The following EVI5 variants were observed in gnomAD, a reference collection of about 807,000 sequenced individuals.
The protein encoded by EVI5 is ecotropic viral integration site 5, also known as ecotropic viral integration site 5 protein homolog.
A neutral mutation model predicts 112.0 loss-of-function variants in EVI5; 73 were observed. That is an observed-to-expected ratio of 0.65 (90% CI 0.54 to 0.79). The LOEUF is 0.79. Ranked by LOEUF, EVI5 falls within the 30% of genes least tolerant of loss-of-function variation. The pLI, the probability that EVI5 is intolerant of heterozygous loss-of-function variation, is 0.00. For synonymous variants in EVI5, 305 were observed against 319.9 expected (o/e 0.95, Z 0.50); for missense variants, 900 against 968.8 (o/e 0.93, Z 0.94).
At chr1:92,717,998 T>C (rs760189406) in intron 2 of EVI5, among the ~76,000 whole-genome samples, 2 of 151,984 alleles carry the variant, frequency 1.3e-5, no homozygotes, top group African/African-American at 2.4e-5. Context: ...GAGCTAACTA[T>C]CCTAAATATA....
At position 92,566,428 on chromosome 1, in the gene EVI5, G is replaced by A. The variant is rs111428525; in HGVS notation, c.2071-2691C>T. 8.8e-4 allele frequency among the ~76,000 whole-genome samples: 134 copies of A among 152,288 alleles called. 2 individuals carry two copies. Among genetic ancestry groups the A allele is most frequent in the African/African-American group, 3.0e-3 (126 of 41,568 alleles). On this transcript the variant is annotated intron_variant, in intron 18 of 19. Coordinates refer to ENST00000684568, the MANE Select transcript of EVI5 (RefSeq NM_001350197.2). ...AATGTCATAGTAAAACACATTACTC[G>A]TGTTTGTGGTGGTGCTGGTGTAAAG...
At chr1:92,610,547 TTAA>T (rs1351440926) in intron 16 of EVI5, among the ~76,000 whole-genome samples, 1 of 152,122 alleles carries the variant, frequency 6.6e-6, no homozygotes, top group African/African-American at 2.4e-5. Context: ...AATTACAGTA[TTAA>T]TGACATAAAA....
chr1:92,704,881 T>A (rs955051492), intron 2 of EVI5, 137 bp from the exon 3 acceptor site: 1 of 403,898 alleles, frequency 2.5e-6, no homozygotes, highest in African/African-American at 2.1e-5. Flanking sequence ...ATAATTTAAA[T>A]AAATTTTGGT....
chr1:92,514,158 AT>A (rs1659508742), intron 19 of EVI5, among the ~76,000 whole-genome samples, 188 bp from the exon 20 acceptor site: 2 of 151,244 alleles, frequency 1.3e-5, no homozygotes, highest in Non-Finnish European at 3.0e-5. Context: ...TTTTTATTTT[AT>A]TTTTTTTGAG....
At chr1:92,629,416 T>G (rs1656392518) in intron 14 of EVI5, among the ~76,000 whole-genome samples, 1 of 152,140 alleles carries the variant, frequency 6.6e-6, no homozygotes, top group Non-Finnish European at 1.5e-5. Flanking sequence ...CACCAATAAA[T>G]TTACAGATAA....
intron 1 of EVI5, among the ~76,000 whole-genome samples, chr1:92,746,020 T>A (rs1679201340): frequency 6.6e-6 from 1 of 152,188 alleles, no homozygotes; most frequent in African/African-American, 2.4e-5. Context: ...AAGTTGGGTG[T>A]ACAGTATACT....
At chr1:92,568,281 C>A (rs564141283) in intron 18 of EVI5, among the ~76,000 whole-genome samples, 1 of 148,266 alleles carries the variant, frequency 6.7e-6, no homozygotes, top group Admixed American at 6.9e-5. Context: ...GAGGGTAAGG[C>A]GGGCGGATTG....
chr1:92,624,896 C>T (rs1655349294), intron 15 of EVI5, among the ~76,000 whole-genome samples: 1 of 152,128 alleles, frequency 6.6e-6, no homozygotes, highest in Non-Finnish European at 1.5e-5. Context: ...TGTGTGGAAA[C>T]ATTTTTGGCT....
At chr1:92,574,582 A>C (rs1036443546) in intron 18 of EVI5, among the ~76,000 whole-genome samples, 5 of 152,196 alleles carry the variant, frequency 3.3e-5, no homozygotes, top group Non-Finnish European at 7.3e-5. Context: ...AGTAGTGTAT[A>C]ATATTGAAAA....
intron 2 of EVI5, among the ~76,000 whole-genome samples, chr1:92,713,772 G>A (rs1673198387): frequency 1.3e-5 from 2 of 152,072 alleles, no homozygotes; most frequent in Non-Finnish European, 2.9e-5. Flanking sequence ...GTAAGACCCT[G>A]TCTCATAAAT....
intron 19 of EVI5, among the ~76,000 whole-genome samples, chr1:92,520,004 G>A (rs1660621216): frequency 6.6e-6 from 1 of 151,690 alleles, no homozygotes; most frequent in Non-Finnish European, 1.5e-5. Context: ...ATCTTATAGA[G>A]ACAGAAAGTA....
intron 16 of EVI5, 88 bp downstream of exon 16, chr1:92,624,088 A>C: frequency 1.7e-6 from 2 of 1,187,106 alleles, no homozygotes; most frequent in Middle Eastern, 2.8e-4. Context: ...TTTACCTTTT[A>C]TCTCTGTTCT....
intron 13 of EVI5, among the ~76,000 whole-genome samples, chr1:92,649,354 C>T (rs1356800814): frequency 6.6e-6 from 1 of 152,196 alleles, no homozygotes; most frequent in Non-Finnish European, 1.5e-5. Flanking sequence ...CTTTGATGCA[C>T]AAAAAGTTTT....
intron 1 of EVI5, among the ~76,000 whole-genome samples, chr1:92,759,223 A>G (rs1371438646): frequency 6.6e-6 from 1 of 152,238 alleles, no homozygotes; most frequent in East Asian, 1.9e-4. Flanking sequence ...CCCATCTCAA[A>G]AAGAAAAAAA....
chr1:92,550,643 A>C (rs1393825453), intron 19 of EVI5, among the ~76,000 whole-genome samples: 3 of 141,304 alleles, frequency 2.1e-5, no homozygotes, highest in African/African-American at 7.8e-5. Flanking sequence ...GCTACTTGGG[A>C]GGCTGAGGCA....
At chr1:92,562,984 T>C (rs1030192579) in intron 19 of EVI5, among the ~76,000 whole-genome samples, 5 of 152,178 alleles carry the variant, frequency 3.3e-5, no homozygotes, top group African/African-American at 9.7e-5. Context: ...TAGCCAAATA[T>C]TATCATTAAA....
At chr1:92,719,432 C>T (rs1674367607) in intron 2 of EVI5, among the ~76,000 whole-genome samples, 1 of 151,564 alleles carries the variant, frequency 6.6e-6, no homozygotes, top group African/African-American at 2.4e-5. Flanking sequence ...ATAAACAGAA[C>T]CAACGACAAA....
intron 19 of EVI5, among the ~76,000 whole-genome samples, chr1:92,549,639 A>G (rs1666437557): frequency 1.3e-5 from 2 of 152,196 alleles, no homozygotes; most frequent in Admixed American, 1.3e-4. Context: ...AAAGAACTCA[A>G]ACAAATTTAC....
chr1:92,785,054 G>T lies in EVI5; in HGVS notation c.-300C>A. 5 of 985,488 alleles carry T rather than the reference G, an allele frequency of 5.1e-6. No homozygotes were observed. The highest frequency in any genetic ancestry group is 6.0e-6 in the Non-Finnish European group (5 of 830,032). 61.0% of individuals were successfully genotyped at this position (985,488 alleles called of 1,614,324 possible). A position where few individuals can be genotyped will look rare whatever the true frequency, so the allele number is the denominator to read the frequency against. On this transcript the variant is annotated 5_prime_UTR_variant, in exon 1 of 20. Transcript: ENST00000684568. ...CTGTCGGAACTGCAGCCAGCCCCTT[G>T]CCAGCTGGCCAGCTGGTTCCTCCGG...
Sources: gnomAD v4.1 joint callset for allele counts (sites outside exome capture counted in the v4.1 genomes callset) on GRCh38, gnomAD v4.1.1 for gene constraint, MANE v1.5 for transcripts, NCBI Gene and HGNC (gene_info 2026-07-23, HGNC 2026-07-21) for gene names.